VPS9D1: variants seen among roughly 807,000 people sequenced by gnomAD.
The protein encoded by VPS9D1 is VPS9 domain-containing protein 1.
A neutral mutation model predicts 75.8 loss-of-function variants in VPS9D1; 78 were observed. That is an observed-to-expected ratio of 1.03 (90% confidence interval 0.86 to 1.24). VPS9D1 has a LOEUF of 1.24. VPS9D1 is among the 50% of genes most tolerant of loss of function. The probability of loss-of-function intolerance (pLI) is 0.00; values close to 1 mark genes in which losing one functional copy is unlikely to be tolerated. For missense variants in VPS9D1, 1,057 were observed against 847.7 expected, an observed-to-expected ratio of 1.25 and a Z score of -3.07; for synonymous variants, 481 against 385.6, an observed-to-expected ratio of 1.25 and a Z score of -2.90.
intron 14 of VPS9D1, 61 bp from the exon 15 acceptor site, chr16:89,708,015 TC>T: frequency 6.6e-7 from 1 of 1,525,160 alleles, no homozygotes; most frequent in South Asian, 1.1e-5. Flanking sequence ...CCCCCGGCCC[TC>T]CAGAAGGTAG....
chr16:89,717,774 A>G (rs1454562387), intron 2 of VPS9D1: 5 of 456,582 alleles, frequency 1.1e-5, no homozygotes, highest in Non-Finnish European at 2.2e-5. Context: ...TTGGAGCGCC[A>G]GAGCTCAGCC....
rs765410833 is a variant in VPS9D1, at chr16:89,708,819, C to T, written c.1697+38G>A. 9 of 1,537,138 alleles carry T rather than the reference C, an allele frequency of 5.9e-6. No individual in the cohort carries two copies. In the East Asian group the frequency reaches 1.6e-4, roughly 28 times the overall value. ...CCGTGACCATTGCCTTTCTAGGGCC[C>T]TTCCTCCCTGGCCACACCTCGCCCT... On this transcript the variant is annotated intron_variant, in intron 13 of 14. Coordinates refer to ENST00000389386, the MANE Select transcript of VPS9D1 (RefSeq NM_004913.3).
intron 2 of VPS9D1, chr16:89,717,288 C>T (rs1293664059): frequency 9.2e-6 from 3 of 327,144 alleles, no homozygotes; most frequent in Non-Finnish European, 1.8e-5. Context: ...AGGCCCGTCA[C>T]AGCCTCGACC....
At position 89,710,873 on chromosome 16, in the gene VPS9D1, C is replaced by T. The variant is rs1322184541; in HGVS notation, c.971G>A (p.Arg324Gln). ...CPPTPNPGSRRLRPSQSLHCM... is the reference protein window; with the variant it reads ...CPPTPNPGSRQLRPSQSLHCM... Reference sequence around the variant, plus strand: ...ATGGAGGCTCTGCGAGGGCCGCAGCCGTCGGCTTCCGGGGTTGGGGGTCGG... The same window carrying T: ...ATGGAGGCTCTGCGAGGGCCGCAGCTGTCGGCTTCCGGGGTTGGGGGTCGG... The change falls in exon 10 of 15, where the codon CGG becomes CAG. Residue 324 changes from arginine to glutamine, a missense_variant. By Grantham distance (43) the Arg-to-Gln change is conservative. Transcript: ENST00000389386. The T allele has an allele frequency of 3.4e-6, 5 of 1,491,254 alleles. No homozygotes were observed. Among genetic ancestry groups the T allele is most frequent in the East Asian group, 2.5e-5 (1 of 39,828 alleles). 92.4% of individuals were successfully genotyped at this position (1,491,254 alleles called of 1,614,324 possible).
Position 89,709,422 on chromosome 16 carries a change from C to G in VPS9D1, c.1402G>C (p.Ala468Pro), listed in dbSNP as rs755240695. The G allele has an allele frequency of 6.6e-7, 1 of 1,515,516 alleles. No homozygotes were observed. Among genetic ancestry groups the G allele is most frequent in the Admixed American group, 2.2e-5 (1 of 46,000 alleles). The allele number at this position is 1,515,516 out of a possible 1,614,324, so 93.9% of individuals were successfully genotyped here. Reference sequence around the variant, plus strand: ...CTCCTGCTCAGGGCAGCCTCCCGGGCTCGGTGCACGCTCCTGGGGCAGAGA... The same window carrying G: ...CTCCTGCTCAGGGCAGCCTCCCGGGGTCGGTGCACGCTCCTGGGGCAGAGA... The part of the protein sequence containing the change: ...LLALYRSVHR[A>P]REAALSRSME... Residue 468 changes from alanine to proline, a missense_variant, in exon 12 of 15, where the codon GCC (alanine) becomes CCC (proline). Transcript: ENST00000389386.
At chr16:89,712,303 C>T in intron 6 of VPS9D1, 157 bp downstream of exon 6, 1 of 1,349,962 alleles carries the variant, frequency 7.4e-7, no homozygotes, top group Non-Finnish European at 1.0e-6. Context: ...GCGGCCGGGC[C>T]TTCCCCTGAG....
Position 89,712,070 on chromosome 16 carries a change from C to T in VPS9D1, c.636G>A (p.Leu212=). 11 of 1,548,578 alleles carry T rather than the reference C, an allele frequency of 7.1e-6. No individual in the cohort carries two copies. Among genetic ancestry groups the T allele is most frequent in the African/African-American group, 1.4e-5 (1 of 73,102 alleles). Reference sequence around the variant, plus strand: ...ACCTGTTGGCGGCCTCCTGGAGCCGCAGCCGGCGCTCCTCCATCTTTCTCT... The same window carrying T: ...ACCTGTTGGCGGCCTCCTGGAGCCGTAGCCGGCGCTCCTCCATCTTTCTCT... ...TLQRKMEERR[L]RLQEAANRRF... is the part of the protein sequence containing the mutation. The change falls in exon 7 of 15, where the codon CTG becomes CTA. Residue 212 remains leucine (L), a synonymous_variant. Coordinates refer to ENST00000389386, the MANE Select transcript of VPS9D1 (RefSeq NM_004913.3).
At chr16:89,712,309 C>T in intron 6 of VPS9D1, 151 bp downstream of exon 6, 6 of 1,363,214 alleles carry the variant, frequency 4.4e-6, no homozygotes, top group East Asian at 2.5e-5. Flanking sequence ...GGGCCTTCCC[C>T]TGAGACCCTG....
intron 2 of VPS9D1, among the ~76,000 whole-genome samples, chr16:89,718,792 G>A (rs986686368): frequency 4.0e-5 from 6 of 150,570 alleles, no homozygotes; most frequent in African/African-American, 7.3e-5. Context: ...TCGGCTCACT[G>A]CAACCTCTGC....
At chr16:89,717,209 C>G (rs1346737798) in intron 2 of VPS9D1, 2 of 277,476 alleles carry the variant, frequency 7.2e-6, no homozygotes, top group African/African-American at 2.3e-5. Context: ...AGTCCCCCCA[C>G]CCACGCATTT....
At chr16:89,711,148 C>A in intron 9 of VPS9D1, 138 bp from the exon 10 acceptor site, 2 of 1,203,528 alleles carry the variant, frequency 1.7e-6, no homozygotes, top group Non-Finnish European at 2.3e-6. Flanking sequence ...TGCCCCCCGC[C>A]CCCGCTGGGG....
intron 1 of VPS9D1, chr16:89,720,376 G>A: frequency 1.0e-6 from 1 of 985,058 alleles, no homozygotes; most frequent in Non-Finnish European, 1.2e-6. Flanking sequence ...TTCTCTGCAT[G>A]CCGTCCCCTG....
chr16:89,716,933 C>A, intron 2 of VPS9D1, 111 bp from the exon 3 acceptor site: 2 of 973,972 alleles, frequency 2.1e-6, no homozygotes, highest in Non-Finnish European at 2.9e-6. Flanking sequence ...CCCCTCAGCA[C>A]CCCCACTGAC....
rs774682266 is a variant in VPS9D1 at position 89,710,665 on chromosome 16, C to T, written c.1179G>A (p.Gln393=). The change falls in exon 10 of 15, where the codon CAG becomes CAA. Residue 393 remains glutamine, a synonymous_variant. Transcript: ENST00000389386. ...LEQFLGTSER[Q]GRGRGVQPEP... ...CCGGCTGTACCCCACGGCCCCGGCC[C>T]TGCCGCTCAGACGTCCCCAGGAACT... 2.5e-5 allele frequency: 40 copies of T among 1,612,116 alleles called. No homozygotes were observed. Among genetic ancestry groups the T allele is most frequent in the Non-Finnish European group, 3.3e-5 (39 of 1,179,684 alleles).
intron 4 of VPS9D1, among the ~76,000 whole-genome samples, chr16:89,715,822 G>T (rs1231731834): frequency 6.6e-6 from 1 of 151,968 alleles, no homozygotes; most frequent in Non-Finnish European, 1.5e-5. Flanking sequence ...GATTACAGGT[G>T]CACACCACCA....
intron 1 of VPS9D1, chr16:89,720,413 C>G: frequency 9.8e-7 from 1 of 1,017,850 alleles, no homozygotes; most frequent in Non-Finnish European, 1.2e-6. Context: ...TCTACCATCT[C>G]TGCCCAGAAA....
At chr16:89,711,848 C>T in intron 8 of VPS9D1, 34 bp downstream of exon 8, 5 of 1,545,058 alleles carry the variant, frequency 3.2e-6, no homozygotes, top group East Asian at 2.5e-5. Context: ...TCGCTGGGCT[C>T]CTCCTACAAA....
In VPS9D1 at chr16:89,716,516, A is replaced by C. The variant is rs1159331015; in HGVS notation, c.377T>G (p.Leu126Arg). ...SDEGGKLSPF[L>R]PPEIFQKLQG... ...AAGCTTCTGGAAGATCTCGGGTGGC[A>C]GAAAAGGAGAGAGCTTTCCTCCTTC... The change falls in exon 4 of 15, where the codon CTG (leucine) becomes CGG (arginine). Residue 126 changes from leucine (L) to arginine (R), a missense_variant. Transcript: ENST00000389386. 1 of 1,614,028 alleles carries C rather than the reference A, an allele frequency of 6.2e-7. No homozygotes were observed. The highest frequency in any genetic ancestry group is 8.5e-7 in the Non-Finnish European group (1 of 1,179,994).
At chr16:89,715,923 C>T (rs1198838912) in intron 4 of VPS9D1, among the ~76,000 whole-genome samples, 1 of 151,936 alleles carries the variant, frequency 6.6e-6, no homozygotes, top group East Asian at 2.0e-4. Flanking sequence ...GTGATCTGCT[C>T]GCCTCGGCCT....
Sources: allele counts gnomAD v4.1 joint callset (sites outside exome capture counted in the v4.1 genomes callset), GRCh38; gene constraint gnomAD v4.1.1; transcripts MANE v1.5; gene names NCBI Gene and HGNC (gene_info 2026-07-23, HGNC 2026-07-21).